The following ICA1L variants were observed in gnomAD, a reference collection of about 807,000 sequenced individuals.
ICA1L encodes islet cell autoantigen 1-like protein.
Under a neutral mutation model 61.3 loss-of-function variants are expected in ICA1L, and 50 were observed. The ratio of observed to expected loss-of-function variants is 0.82; its 90% CI spans 0.65 to 1.03. The LOEUF is 1.03. Among genes scored for constraint, ICA1L ranks in the 50% least tolerant of loss-of-function variants. The pLI is 0.00. For synonymous variants in ICA1L, 161 were observed against 191.3 expected, an observed-to-expected ratio of 0.84 and a Z score of 1.31; for missense variants, 508 against 556.7, an observed-to-expected ratio of 0.91 and a Z score of 0.88.
At chr2:202,865,524 T>C (rs1687477326) in intron 1 of ICA1L, among the ~76,000 whole-genome samples, 2 of 151,940 alleles carry the variant, frequency 1.3e-5, no homozygotes, top group African/African-American at 4.8e-5. Flanking sequence ...ACATCATCCT[T>C]AACTGTGAAA....
chr2:202,817,418 C>T lies in ICA1L; in HGVS notation c.684G>A (p.Gln228=), dbSNP rs557141229. The T allele has an allele frequency of 1.3e-6, 2 of 1,573,146 alleles. No homozygotes were observed. The highest frequency in any genetic ancestry group is 2.4e-5 in the South Asian group (2 of 84,130). The change falls in exon 6 of 13, where the codon CAG becomes CAA. Residue 228 remains glutamine, a splice_region_variant and synonymous_variant. Coordinates refer to ENST00000358299, the MANE Select transcript of ICA1L (RefSeq NM_001288622.3). ...ATATGCTGACCATGGAGGTGGGTAC[C>T]TGGTAGGTAGTGAGCGAATGAGATA... ...NMLSHSLTTY[Q]RTLLGFWKKT...
chr2:202,779,501 T>G lies in ICA1L; in HGVS notation c.*32A>C, dbSNP rs770072962. On this transcript the variant is annotated 3_prime_UTR_variant, in exon 13 of 13. Transcript: ENST00000358299. ...GGAAATACGTTGCAAAATTGATGTC[T>G]CAAGGCCACTGAAGTGACATTATAA... 1.9e-5 allele frequency: 25 copies of G among 1,346,854 alleles called. No individual in the cohort carries two copies. Among genetic ancestry groups the G allele is most frequent in the Non-Finnish European group, 2.5e-5 (24 of 945,074 alleles). 83.4% of individuals were successfully genotyped at this position (1,346,854 alleles called of 1,614,324 possible). A position where few individuals can be genotyped will look rare whatever the true frequency, so the allele number is the denominator to read the frequency against.
chr2:202,800,350 T>A (rs1296868721), intron 9 of ICA1L, among the ~76,000 whole-genome samples: 2 of 152,206 alleles, frequency 1.3e-5, no homozygotes, highest in African/African-American at 4.8e-5. Context: ...TGTGTGTTTT[T>A]AAATGTTTTA....
intron 11 of ICA1L, chr2:202,786,916 C>G: frequency 2.9e-6 from 1 of 341,884 alleles, no homozygotes; most frequent in Admixed American, 3.9e-5. Flanking sequence ...CATGAAAAAC[C>G]ATTTATGCTA....
At chr2:202,786,365 T>G (rs952521305) in intron 11 of ICA1L, among the ~76,000 whole-genome samples, 1 of 151,458 alleles carries the variant, frequency 6.6e-6, no homozygotes, top group Non-Finnish European at 1.5e-5. Context: ...GCTAACAAGG[T>G]GAAACCCCGT....
rs200286525 is a variant in ICA1L, at chr2:202,819,706, T to C, written c.553A>G (p.Arg185Gly). 1.6e-5 allele frequency: 26 copies of C among 1,612,690 alleles called. No homozygotes were observed. The highest frequency in any genetic ancestry group is 2.2e-5 in the Non-Finnish European group (26 of 1,178,768). Reference sequence around the variant, plus strand: ...AAAGGGATACGTTTTCATACTTTTCTAAACTTTTCCATTTGCTTTAAGGTG... The same window carrying C: ...AAAGGGATACGTTTTCATACTTTTCCAAACTTTTCCATTTGCTTTAAGGTG... Reference protein sequence around the residue: ...PDTLKQMEKFRKVQMQVRNSK... With the variant: ...PDTLKQMEKFGKVQMQVRNSK... The change falls in exon 5 of 13, where the codon AGA (arginine) becomes GGA (glycine). Residue 185 changes from arginine (R) to glycine (G), a missense_variant. By Grantham distance (125) the Arg-to-Gly change is moderately radical. Coordinates refer to ENST00000358299, the MANE Select transcript of ICA1L (RefSeq NM_001288622.3).
intron 10 of ICA1L, among the ~76,000 whole-genome samples, chr2:202,790,115 T>C (rs556756577): frequency 1.3e-5 from 2 of 152,204 alleles, no homozygotes; most frequent in Non-Finnish European, 2.9e-5. Context: ...TGTTACAGAA[T>C]GGGGTGTTGC....
At chr2:202,846,364 C>T (rs533017784) in intron 1 of ICA1L, among the ~76,000 whole-genome samples, 1 of 152,016 alleles carries the variant, frequency 6.6e-6, no homozygotes, top group East Asian at 1.9e-4. Context: ...TGCCATCACA[C>T]TTGGCTAATT....
chr2:202,819,881 A>T lies in ICA1L; in HGVS notation c.378T>A (p.Pro126=). 6.2e-7 allele frequency: 1 copy of T among 1,613,998 alleles called. No individual in the cohort carries two copies. Among genetic ancestry groups the T allele is most frequent in the Non-Finnish European group, 8.5e-7 (1 of 1,179,910 alleles). The change falls in exon 5 of 13, where the codon CCT becomes CCA. Residue 126 remains proline, a synonymous_variant. Transcript: ENST00000358299. ...CTACTTCTTGCTTCAGACGAGACAG[A>T]GGAGTACACAGGGCCAATCTAATGG... The part of the protein sequence containing the change: ...SAKQRLALCT[P]LSRLKQEVAT...
chr2:202,862,120 C>T (rs1694934520), intron 1 of ICA1L, among the ~76,000 whole-genome samples: 1 of 150,928 alleles, frequency 6.6e-6, no homozygotes, highest in African/African-American at 2.4e-5. Flanking sequence ...AGATAACATT[C>T]TTGGGCTACA....
intron 1 of ICA1L, among the ~76,000 whole-genome samples, chr2:202,864,400 C>T (rs1483466463): frequency 2.0e-5 from 3 of 152,226 alleles, no homozygotes; most frequent in South Asian, 4.1e-4. Context: ...CCTGCCACCA[C>T]GCCTGGCTAA....
rs145045703 is a variant in ICA1L at position 202,818,163 on chromosome 2, A to C, written c.559-620T>G. Among the ~76,000 whole-genome samples the C allele has an allele frequency of 3.6e-3, 541 of 152,326 alleles. 3 individuals carry two copies. Among genetic ancestry groups the C allele is most frequent in the African/African-American group, 0.013 (521 of 41,580 alleles). On this transcript the variant is annotated intron_variant, in intron 5 of 12. Transcript: ENST00000358299. ...GGTAGGGAGGCACAGGAAAAAAAAGAAGTAAATAAATATATAGTTGCAAAG... is the reference window on the plus strand; with the variant it reads ...GGTAGGGAGGCACAGGAAAAAAAAGCAGTAAATAAATATATAGTTGCAAAG...
rs1694570972 is a variant in ICA1L, at chr2:202,849,955, G to C, written c.-7-20939C>G. On this transcript the variant is annotated intron_variant, in intron 1 of 12. Transcript: ENST00000358299. The surrounding 1 kb of genome is among the most constrained non-coding windows in gnomAD (Gnocchi z 4.5). ...AACAAAGCTTTCAGAGGAAGGAACA[G>C]GCAGCAATCGTTGCTGTTCTGTAGC... Among the ~76,000 whole-genome samples, 2 of 152,326 alleles carry C rather than the reference G, an allele frequency of 1.3e-5. No individual in the cohort carries two copies. Among genetic ancestry groups the C allele is most frequent in the Admixed American group, 6.5e-5 (1 of 15,308 alleles).
At chr2:202,797,989 G>A (rs1055348867) in intron 9 of ICA1L, among the ~76,000 whole-genome samples, 1 of 152,048 alleles carries the variant, frequency 6.6e-6, no homozygotes, top group Non-Finnish European at 1.5e-5. Flanking sequence ...ACTTCTATGA[G>A]TTCAACTTTT....
intron 2 of ICA1L, among the ~76,000 whole-genome samples, chr2:202,827,715 A>T (rs1693888047): frequency 6.6e-6 from 1 of 152,200 alleles, no homozygotes. Flanking sequence ...TACAACACCA[A>T]TAATAATAAA....
intron 1 of ICA1L, among the ~76,000 whole-genome samples, chr2:202,864,197 T>A (rs2105891804): frequency 6.6e-6 from 1 of 152,254 alleles, no homozygotes; most frequent in African/African-American, 2.4e-5. Flanking sequence ...CCAGCATAAC[T>A]TTGCCCTCTA....
intron 1 of ICA1L, among the ~76,000 whole-genome samples, chr2:202,861,677 A>G (rs976932883): frequency 6.6e-6 from 1 of 151,660 alleles, no homozygotes; most frequent in African/African-American, 2.4e-5. Flanking sequence ...ACTTGAGGTT[A>G]GGAGTTCGAG....
At chr2:202,788,691 T>C (rs1417555383) in intron 11 of ICA1L, 139 bp downstream of exon 11, 14 of 828,812 alleles carry the variant, frequency 1.7e-5, no homozygotes, top group Middle Eastern at 2.3e-4. Context: ...TTCCAGTTGA[T>C]TGGTGGACTG....
intron 12 of ICA1L, among the ~76,000 whole-genome samples, chr2:202,781,225 A>G (rs1377440620): frequency 6.6e-6 from 1 of 152,148 alleles, no homozygotes; most frequent in Non-Finnish European, 1.5e-5. Flanking sequence ...AAAAAGCCCA[A>G]ATTAAACATA....
Sources: gnomAD v4.1 joint callset for allele counts (sites outside exome capture counted in the v4.1 genomes callset) on GRCh38, gnomAD v4.1.1 for gene constraint, Gnocchi (gnomAD v3.1) non-coding constraint, MANE v1.5 for transcripts, NCBI Gene and HGNC (gene_info 2026-07-23, HGNC 2026-07-21) for gene names.